PDE4D: variants seen among roughly 807,000 people sequenced by gnomAD.
PDE4D encodes the protein phosphodiesterase 4D, also known as 3',5'-cyclic-AMP phosphodiesterase 4D.
PDE4D carries 24 observed loss-of-function variants against 87.4 expected under a neutral mutation model. The ratio of observed to expected loss-of-function variants is 0.27; its 90% CI spans 0.20 to 0.39. The LOEUF (loss-of-function observed/expected upper bound fraction) is 0.39. Ranked by LOEUF, PDE4D falls within the 10% of genes least tolerant of loss-of-function variation. The pLI is 1.00. For missense variants in PDE4D, 714 were observed against 1,041.0 expected, an observed-to-expected ratio of 0.69 and a Z score of 4.32; for synonymous variants, 384 against 383.2, an observed-to-expected ratio of 1.00 and a Z score of -0.02.
intron 1 of PDE4D, among the ~76,000 whole-genome samples, chr5:59,392,130 C>T (rs1345799903): frequency 6.6e-6 from 1 of 151,604 alleles, no homozygotes; most frequent in African/African-American, 2.4e-5. Context: ...TGAGTGTGAA[C>T]TTGAGTGGAT....
At chr5:59,451,910 TTGTCTACATCTTTAG>T (rs556118762) in intron 1 of PDE4D, among the ~76,000 whole-genome samples, 129 of 152,342 alleles carry the variant, frequency 8.5e-4, no homozygotes, top group Non-Finnish European at 1.6e-3. Flanking sequence ...CACATTCCAG[TTGTCTACATCTTTAG>T]TTTCTAAAAT....
At chr5:59,566,828 G>T (rs563698060) in intron 1 of PDE4D, among the ~76,000 whole-genome samples, 4 of 152,042 alleles carry the variant, frequency 2.6e-5, no homozygotes, top group Admixed American at 6.5e-5. Context: ...TGGCCATTTT[G>T]TCTACCCTAA....
At chr5:59,569,534 G>T (rs561549939) in intron 1 of PDE4D, among the ~76,000 whole-genome samples, 1 of 152,026 alleles carries the variant, frequency 6.6e-6, no homozygotes. Flanking sequence ...TGCAAACAAC[G>T]CATGTTTGTC....
intron 5 of PDE4D, among the ~76,000 whole-genome samples, chr5:59,079,323 T>C (rs755762463): frequency 6.6e-6 from 1 of 152,068 alleles, no homozygotes; most frequent in African/African-American, 2.4e-5. Context: ...TCTTAGGAAA[T>C]AGAGAAAAAT....
intron 1 of PDE4D, among the ~76,000 whole-genome samples, chr5:59,258,790 AT>A (rs1761452941): frequency 2.0e-5 from 3 of 149,812 alleles, no homozygotes. Flanking sequence ...ATAATATACA[AT>A]TTAGAATATA....
At chr5:59,490,506 A>G (rs1030224609) in intron 1 of PDE4D, among the ~76,000 whole-genome samples, 1 of 152,198 alleles carries the variant, frequency 6.6e-6, no homozygotes, top group African/African-American at 2.4e-5. Context: ...AAAAGAAAGA[A>G]AACCAACTAA....
intron 1 of PDE4D, among the ~76,000 whole-genome samples, chr5:59,638,775 T>C (rs1741040867): frequency 6.6e-6 from 1 of 152,156 alleles, no homozygotes; most frequent in Non-Finnish European, 1.5e-5. Flanking sequence ...TGTATAGTGT[T>C]TTATATAAAA....
chr5:59,267,141 T>C (rs1361390050), intron 1 of PDE4D, among the ~76,000 whole-genome samples: 2 of 152,120 alleles, frequency 1.3e-5, no homozygotes. Flanking sequence ...CTTGCTATTC[T>C]ATAACAAAGT....
intron 5 of PDE4D, among the ~76,000 whole-genome samples, chr5:59,175,159 C>A (rs1448347252): frequency 6.6e-6 from 1 of 152,164 alleles, no homozygotes; most frequent in Non-Finnish European, 1.5e-5. Flanking sequence ...ATCTCTGACT[C>A]TTTGCCACCC....
chr5:59,020,475 A>T lies in PDE4D; in HGVS notation c.921+18384T>A, dbSNP rs567637314. ...GCAACAGAGCAAGACTCCGTCTCAGAAAATTAAAAAAAAAAAAGTGATGAT... is the reference window on the plus strand; with the variant it reads ...GCAACAGAGCAAGACTCCGTCTCAGTAAATTAAAAAAAAAAAAGTGATGAT... On this transcript the variant is annotated intron_variant, in intron 6 of 14. Transcript: ENST00000340635. Among the ~76,000 whole-genome samples, 12 of 145,658 alleles carry T rather than the reference A, an allele frequency of 8.2e-5. No individual in the cohort carries two copies. The South Asian group carries it at 2.5e-3, about 30-fold the overall frequency.
chr5:59,925,532 A>AAT (rs1387095504), intron 3 of PDE4D, among the ~76,000 whole-genome samples: 1 of 152,184 alleles, frequency 6.6e-6, no homozygotes, highest in Non-Finnish European at 1.5e-5. Context: ...GCTAATATTG[A>AAT]ATATCAATGG....
intron 1 of PDE4D, among the ~76,000 whole-genome samples, chr5:59,346,626 G>T (rs541025776): frequency 1.3e-5 from 2 of 152,024 alleles, no homozygotes; most frequent in African/African-American, 2.4e-5. Context: ...AAAACCTGAC[G>T]TTCCTTGTAT....
intron 1 of PDE4D, among the ~76,000 whole-genome samples, chr5:59,518,758 C>A (rs753424989): frequency 6.6e-6 from 1 of 152,084 alleles, no homozygotes; most frequent in Non-Finnish European, 1.5e-5. Flanking sequence ...GTTTCTGCAT[C>A]CCCTATATAC....
intron 1 of PDE4D, among the ~76,000 whole-genome samples, chr5:59,540,371 A>AC (rs1561160960): frequency 2.6e-5 from 4 of 152,186 alleles, no homozygotes; most frequent in African/African-American, 9.7e-5. Context: ...AACAAAAAAA[A>AC]CCAAAAAACA....
chr5:60,159,363 A>T (rs1782274801), intron 2 of PDE4D, among the ~76,000 whole-genome samples: 1 of 152,200 alleles, frequency 6.6e-6, no homozygotes, highest in Non-Finnish European at 1.5e-5. Context: ...TAAAAAGTAT[A>T]GTATAGTAAA....
intron 1 of PDE4D, among the ~76,000 whole-genome samples, chr5:59,240,753 A>T (rs2153522278): frequency 6.6e-6 from 1 of 150,562 alleles, no homozygotes; most frequent in South Asian, 2.1e-4. Flanking sequence ...AATCTTTGGA[A>T]ATGTGAGTCT....
At chr5:59,543,368 A>C (rs79918461) in intron 1 of PDE4D, among the ~76,000 whole-genome samples, 8,595 of 152,218 alleles carry the variant, frequency 0.056, 336 homozygotes, top group Middle Eastern at 0.095. Context: ...TGAATGAACA[A>C]ATTCTTAGAA....
At chr5:60,135,391 CTTTT>C (rs1481097511) in intron 2 of PDE4D, among the ~76,000 whole-genome samples, 1 of 152,174 alleles carries the variant, frequency 6.6e-6, no homozygotes, top group Admixed American at 6.6e-5. Context: ...AGATGTCTTT[CTTTT>C]CTTTCTGCCT....
intron 5 of PDE4D, among the ~76,000 whole-genome samples, chr5:59,100,849 A>G (rs1580796354): frequency 6.6e-6 from 1 of 152,252 alleles, no homozygotes; most frequent in East Asian, 1.9e-4. Flanking sequence ...AGGAAATCTA[A>G]TATCTCTCTT....
Sources: allele counts gnomAD v4.1 joint callset (sites outside exome capture counted in the v4.1 genomes callset), GRCh38; gene constraint gnomAD v4.1.1; transcripts MANE v1.5; gene names NCBI Gene and HGNC (gene_info 2026-07-23, HGNC 2026-07-21).